PADI6: variants seen among roughly 807,000 people sequenced by gnomAD.
PADI6 encodes the protein peptidyl arginine deiminase 6.
In PADI6, 66 loss-of-function variants were observed where a neutral mutation model predicts 78.2. That is an observed-to-expected ratio of 0.84 (90% CI 0.69 to 1.04). The LOEUF (loss-of-function observed/expected upper bound fraction) is 1.04. Among genes scored for constraint, PADI6 ranks in the 50% least tolerant of loss-of-function variants. The pLI, the probability that PADI6 is intolerant of heterozygous loss-of-function variation, is 0.00. For synonymous variants in PADI6, 397 were observed against 346.9 expected, an observed-to-expected ratio of 1.14 and a Z score of -1.60; for missense variants, 854 against 866.1, an observed-to-expected ratio of 0.99 and a Z score of 0.18.
chr1:17,399,655 G>A (rs2075282314), intron 15 of PADI6, among the ~76,000 whole-genome samples: 1 of 151,442 alleles, frequency 6.6e-6, no homozygotes, highest in Admixed American at 6.6e-5. Flanking sequence ...TACGTTGGGA[G>A]GCTGAGGTGG....
intron 4 of PADI6, among the ~76,000 whole-genome samples, chr1:17,380,390 C>T (rs946678588): frequency 1.3e-5 from 2 of 149,656 alleles, no homozygotes; most frequent in Admixed American, 6.7e-5. Flanking sequence ...TTTTTTGAGA[C>T]GGAGTCTCGC....
At chr1:17,374,158 G>A (rs79903147) in intron 2 of PADI6, among the ~76,000 whole-genome samples, 1 of 152,104 alleles carries the variant, frequency 6.6e-6, no homozygotes, top group African/African-American at 2.4e-5. Context: ...GGGGCTGGGG[G>A]TGAGAACCAT....
At chr1:17,387,018 C>T (rs1233296824) in intron 6 of PADI6, among the ~76,000 whole-genome samples, 1 of 152,160 alleles carries the variant, frequency 6.6e-6, no homozygotes, top group East Asian at 1.9e-4. Context: ...AAATAAGTCA[C>T]CTGGAATCTT....
chr1:17,401,612 C>CT lies in PADI6; in HGVS notation c.*176dup. On this transcript the variant is annotated 3_prime_UTR_variant, in exon 16 of 16. Coordinates refer to ENST00000619609, the MANE Select transcript of PADI6 (RefSeq NM_207421.4). The stretch of plus-strand genomic sequence containing the variant: ...CCAGTAGGATGGCAAATGCCGCCAG[C>CT]TTGAACCCCTATGGGGAAAAGATGC... 3.2e-6 allele frequency: 2 copies of CT among 633,564 alleles called. No individual in the cohort carries two copies. Among genetic ancestry groups the CT allele is most frequent in the East Asian group, 2.8e-5 (1 of 36,242 alleles). 39.2% of individuals were successfully genotyped at this position (633,564 alleles called of 1,614,324 possible).
At chr1:17,384,525 T>C (rs1041036859) in intron 6 of PADI6, among the ~76,000 whole-genome samples, 18 of 152,144 alleles carry the variant, frequency 1.2e-4, no homozygotes, top group African/African-American at 3.9e-4. Context: ...GGATCACTTT[T>C]GAGGTCAGGA....
intron 9 of PADI6, among the ~76,000 whole-genome samples, chr1:17,393,483 T>TA (rs2075211964): frequency 6.6e-6 from 1 of 152,108 alleles, no homozygotes; most frequent in South Asian, 2.1e-4. Context: ...CAGTAAGGCT[T>TA]GTTAATGGAT....
Position 17,394,404 on chromosome 1 carries a change from GAA to G in PADI6, c.1289_1290del (p.Lys430ArgfsTer24). On this transcript the variant is annotated frameshift_variant, in exon 11 of 16. Transcript: ENST00000619609. LOFTEE classifies it high-confidence loss of function. ...TGTCCCCACCTGTCAAGGTCCAAGG[GAA>G]AGAGTACCCGCTGGGCAGAGTCCTC... ...MVSPPVKVQG[K>X]EYPLGRVLIG... 1 of 1,613,780 alleles carries G rather than the reference GAA, an allele frequency of 6.2e-7. No individual in the cohort carries two copies. The highest frequency in any genetic ancestry group is 8.5e-7 in the Non-Finnish European group (1 of 1,179,816).
At chr1:17,389,012 C>A in intron 8 of PADI6, 132 bp downstream of exon 8, 1 of 674,068 alleles carries the variant, frequency 1.5e-6, no homozygotes, top group Non-Finnish European at 2.6e-6. Context: ...TCTGTCTGAG[C>A]TGTCTGGACC....
chr1:17,383,848 A>AACTT (rs1299625951), intron 6 of PADI6, among the ~76,000 whole-genome samples: 1 of 150,812 alleles, frequency 6.6e-6, no homozygotes, highest in African/African-American at 2.4e-5. Context: ...TTTTTAAAAA[A>AACTT]ACTTATTCAA....
At chr1:17,394,151 A>G (rs960223209) in intron 10 of PADI6, 69 bp downstream of exon 10, 3 of 1,565,686 alleles carry the variant, frequency 1.9e-6, no homozygotes, top group Non-Finnish European at 8.8e-7. Flanking sequence ...CCTAGAAATA[A>G]TGGGGCACCA....
intron 15 of PADI6, among the ~76,000 whole-genome samples, chr1:17,400,702 G>A (rs756710935): frequency 1.3e-5 from 2 of 152,154 alleles, no homozygotes; most frequent in African/African-American, 4.8e-5. Flanking sequence ...TGAGGCATTT[G>A]AGTGCCCCAA....
chr1:17,372,289 T>C lies in PADI6; in HGVS notation c.44T>C (p.Ile15Thr). Residue 15 changes from isoleucine (I) to threonine (T), a missense_variant, in exon 1 of 16, where the codon ATC (isoleucine) becomes ACC (threonine). By Grantham distance (89) the Ile-to-Thr change is moderately conservative (BLOSUM62 -1). Coordinates refer to ENST00000619609, the MANE Select transcript of PADI6 (RefSeq NM_207421.4). Reference sequence around the variant, plus strand: ...CGAGCCATGTCCTTCCAGAGTATCATCCACCTGTCCCTGGACAGCCCTGTC... The same window carrying C: ...CGAGCCATGTCCTTCCAGAGTATCACCCACCTGTCCCTGGACAGCCCTGTC... ...EGRAMSFQSI[I>T]HLSLDSPVHA... 1.2e-6 allele frequency: 2 copies of C among 1,613,918 alleles called. No homozygotes were observed. The highest frequency in any genetic ancestry group is 1.7e-6 in the Non-Finnish European group (2 of 1,179,862).
Position 17,392,192 on chromosome 1 carries a change from T to C in PADI6, c.1041T>C (p.Tyr347=). 6.4e-7 allele frequency: 1 copy of C among 1,559,494 alleles called. No homozygotes were observed. The highest frequency in any genetic ancestry group is 8.7e-7 in the Non-Finnish European group (1 of 1,151,520). ...GCAACAGCCAGGTGGCATCTGTCTA[T>C]GAGGACCCCAACCGCCTGGGCAGGT... The part of the protein sequence containing the change: ...EKSNSQVASV[Y]EDPNRLGRWL... Residue 347 remains tyrosine (Y), a synonymous_variant, in exon 9 of 16, where the codon TAT becomes TAC. Transcript: ENST00000619609.
At chr1:17,380,047 G>C (rs1323295108) in intron 4 of PADI6, 60 bp downstream of exon 4, 3 of 1,540,366 alleles carry the variant, frequency 1.9e-6, no homozygotes, top group East Asian at 2.3e-5. Flanking sequence ...CTGCCCACAG[G>C]CTCACTTGAT....
chr1:17,374,389 G>A (rs142167755), intron 2 of PADI6, among the ~76,000 whole-genome samples: 1,842 of 152,240 alleles, frequency 0.012, 32 homozygotes, highest in African/African-American at 0.041. Flanking sequence ...ACTTTGGAAG[G>A]CTGAGATGGG....
chr1:17,393,891 G>A (rs2075217272), intron 9 of PADI6, 84 bp from the exon 10 acceptor site: 6 of 1,234,152 alleles, frequency 4.9e-6, no homozygotes, highest in Non-Finnish European at 7.1e-6. Flanking sequence ...CAGGAAGGAA[G>A]GGGGTTCTTA....
At chr1:17,395,695 TG>T in intron 13 of PADI6, 32 bp downstream of exon 13, 9 of 1,583,028 alleles carry the variant, frequency 5.7e-6, no homozygotes, top group Non-Finnish European at 7.8e-6. Context: ...AGAACAGAAC[TG>T]GGGTCTTCCT....
At chr1:17,382,401 A>G (rs1281992111) in intron 6 of PADI6, among the ~76,000 whole-genome samples, 1 of 152,206 alleles carries the variant, frequency 6.6e-6, no homozygotes, top group Admixed American at 6.5e-5. Context: ...AACAGTAGCT[A>G]TTGCCTTACA....
chr1:17,382,015 G>C lies in PADI6; in HGVS notation c.602G>C (p.Cys201Ser), dbSNP rs781415187. ...QMTLNVQGPSCILKKYRLVLH... is the reference protein window; with the variant it reads ...QMTLNVQGPSSILKKYRLVLH... ...ACTCTGAATGTCCAAGGCCCCAGCT[G>C]TATCTTAAAGAAATATCGGCTAGTC... Residue 201 changes from cysteine to serine, a missense_variant, in exon 6 of 16, where the codon TGT (cysteine) becomes TCT (serine). Cys to Ser is a moderately radical substitution (Grantham distance 112). Transcript: ENST00000619609. 15 of 1,613,936 alleles carry C rather than the reference G, an allele frequency of 9.3e-6. No individual in the cohort carries two copies. In the South Asian group the frequency reaches 1.6e-4, roughly 18 times the overall value.
Sources: gnomAD v4.1 joint callset for allele counts (sites outside exome capture counted in the v4.1 genomes callset) on GRCh38, gnomAD v4.1.1 for gene constraint, MANE v1.5 for transcripts, NCBI Gene and HGNC (gene_info 2026-07-23, HGNC 2026-07-21) for gene names.